The following STAG1 variants were observed in gnomAD, a reference collection of about 807,000 sequenced individuals.
STAG1 encodes cohesin subunit SA-1.
Under a neutral mutation model 170.9 loss-of-function variants are expected in STAG1, and 26 were observed. The observed-to-expected ratio is 0.15, with a 90% CI of 0.11 to 0.21. STAG1 has a LOEUF of 0.21. Among genes scored for constraint, STAG1 ranks in the 10% least tolerant of loss-of-function variants. The pLI is 1.00. For missense variants in STAG1, 964 were observed against 1,509.5 expected, an observed-to-expected ratio of 0.64 and a Z score of 5.99; for synonymous variants, 514 against 497.7, an observed-to-expected ratio of 1.03 and a Z score of -0.44.
intron 1 of STAG1, among the ~76,000 whole-genome samples, chr3:136,713,818 T>C (rs970119810): frequency 1.7e-4 from 26 of 151,774 alleles, no homozygotes; most frequent in Non-Finnish European, 3.5e-4. Context: ...AGGTCAGAAA[T>C]TTAAGACCGC....
chr3:136,479,016 G>T (rs2089841894), intron 9 of STAG1, among the ~76,000 whole-genome samples: 2 of 149,792 alleles, frequency 1.3e-5, no homozygotes, highest in African/African-American at 2.5e-5. Flanking sequence ...ATTCTACCTG[G>T]CATCCATTAA....
At chr3:136,435,173 ATT>A (rs1283365508) in intron 15 of STAG1, among the ~76,000 whole-genome samples, 5 of 152,162 alleles carry the variant, frequency 3.3e-5, no homozygotes, top group Non-Finnish European at 7.4e-5. Flanking sequence ...TTTTTCTAAA[ATT>A]TTGTTTAATT....
chr3:136,624,666 T>C (rs561518214), intron 2 of STAG1, among the ~76,000 whole-genome samples: 1 of 152,234 alleles, frequency 6.6e-6, no homozygotes, highest in South Asian at 2.1e-4. Context: ...GAATCTGCAT[T>C]GTTAACAATT....
chr3:136,479,220 CT>C (rs976514454), intron 9 of STAG1, among the ~76,000 whole-genome samples: 2 of 122,922 alleles, frequency 1.6e-5, no homozygotes, highest in African/African-American at 5.8e-5. Flanking sequence ...AATGCTATCC[CT>C]CCCCCCTCCC....
chr3:136,459,220 G>GAAAAA (rs769155825), intron 13 of STAG1, among the ~76,000 whole-genome samples: 15 of 90,066 alleles, frequency 1.7e-4, no homozygotes, highest in Admixed American at 2.6e-4. Flanking sequence ...CTGTCTTAAA[G>GAAAAA]AAAAAAAAAA....
intron 29 of STAG1, among the ~76,000 whole-genome samples, chr3:136,346,895 T>TC (rs1265443143): frequency 6.6e-6 from 1 of 151,970 alleles, no homozygotes; most frequent in Non-Finnish European, 1.5e-5. Context: ...GTCCAGGAGT[T>TC]CAAGACCAGC....
chr3:136,486,103 T>C (rs2090006409), intron 9 of STAG1, among the ~76,000 whole-genome samples: 1 of 152,170 alleles, frequency 6.6e-6, no homozygotes, highest in South Asian at 2.1e-4. Context: ...TAAAAGTATA[T>C]AGGACAGAAA....
chr3:136,618,626 T>C (rs896436113), intron 3 of STAG1, among the ~76,000 whole-genome samples: 1 of 151,984 alleles, frequency 6.6e-6, no homozygotes, highest in Non-Finnish European at 1.5e-5. Context: ...GGGGTTAAGG[T>C]TAGAGAGGTG....
intron 12 of STAG1, among the ~76,000 whole-genome samples, chr3:136,466,314 T>A (rs573907245): frequency 6.6e-6 from 1 of 152,292 alleles, no homozygotes; most frequent in East Asian, 1.9e-4. Context: ...TTAAATGACC[T>A]GATGGAGCTG....
intron 1 of STAG1, among the ~76,000 whole-genome samples, chr3:136,719,609 G>GGGTGGGTA (rs1933089401): frequency 7.0e-6 from 1 of 143,368 alleles, no homozygotes; most frequent in Non-Finnish European, 1.5e-5. Context: ...ATGGATGGGT[G>GGGTGGGTA]GGTGGGTAGG....
intron 21 of STAG1, among the ~76,000 whole-genome samples, chr3:136,416,070 C>T (rs2087763243): frequency 6.6e-6 from 1 of 151,580 alleles, no homozygotes; most frequent in African/African-American, 2.4e-5. Flanking sequence ...TGCAGTGGTA[C>T]AATCTCTGCT....
intron 1 of STAG1, among the ~76,000 whole-genome samples, chr3:136,690,648 C>G (rs1261575415): frequency 6.6e-6 from 1 of 152,090 alleles, no homozygotes; most frequent in African/African-American, 2.4e-5. Flanking sequence ...GGAGGGGTGT[C>G]TCATCAGAAG....
chr3:136,724,637 C>G (rs1436126098), intron 1 of STAG1, among the ~76,000 whole-genome samples: 5 of 149,362 alleles, frequency 3.3e-5, no homozygotes, highest in Admixed American at 3.3e-4. Flanking sequence ...AGCATGAATA[C>G]TTAGTGGCTC....
intron 22 of STAG1, among the ~76,000 whole-genome samples, chr3:136,396,209 G>GTTT (rs1157402968): frequency 0.014 from 1,205 of 87,896 alleles, 57 homozygotes; most frequent in East Asian, 0.029. Flanking sequence ...GTGTAACACA[G>GTTT]TTTTTTTTTT....
intron 6 of STAG1, among the ~76,000 whole-genome samples, chr3:136,537,989 A>T (rs1278559654): frequency 9.9e-5 from 15 of 152,170 alleles, no homozygotes; most frequent in Non-Finnish European, 2.2e-4. Flanking sequence ...ATACAAGAAA[A>T]TGACCCTGAA....
At position 136,369,011 on chromosome 3, in the gene STAG1, A is replaced by G. The variant is rs1241302384; in HGVS notation, c.2545+97T>C. On this transcript the variant is annotated intron_variant, in intron 24 of 33. Transcript: ENST00000383202. The stretch of plus-strand genomic sequence containing the variant: ...TGGCCAACTTTTTTAAAAGAAAGAA[A>G]TCTCGATAATTTTTAGAACTGAATT... 4 of 1,195,364 alleles carry G rather than the reference A, an allele frequency of 3.3e-6. No homozygotes were observed. In the African/African-American group the frequency reaches 6.4e-5, roughly 19 times the overall value. The allele number at this position is 1,195,364 out of a possible 1,614,324, so 74.0% of individuals were successfully genotyped here.
intron 6 of STAG1, among the ~76,000 whole-genome samples, chr3:136,528,153 G>C (rs759297891): frequency 6.6e-6 from 1 of 152,154 alleles, no homozygotes; most frequent in South Asian, 2.1e-4. Context: ...TTTCTGCTGC[G>C]TTTTGTTCAG....
intron 3 of STAG1, among the ~76,000 whole-genome samples, chr3:136,618,828 A>C (rs1232587518): frequency 6.6e-6 from 1 of 152,206 alleles, no homozygotes; most frequent in Non-Finnish European, 1.5e-5. Context: ...ATGTAAGAAA[A>C]AATGTCCTTG....
intron 1 of STAG1, among the ~76,000 whole-genome samples, chr3:136,716,528 G>A (rs1432339304): frequency 1.3e-5 from 2 of 152,174 alleles, no homozygotes; most frequent in African/African-American, 4.8e-5. Flanking sequence ...TGCTTGTAAT[G>A]CCAACACTTT....
Sources: allele counts gnomAD v4.1 joint callset (sites outside exome capture counted in the v4.1 genomes callset), GRCh38; gene constraint gnomAD v4.1.1; transcripts MANE v1.5; gene names NCBI Gene and HGNC (gene_info 2026-07-23, HGNC 2026-07-21).